The following ADTRP variants were observed in gnomAD, a reference collection of about 807,000 sequenced individuals.
ADTRP encodes androgen dependent TFPI regulating protein.
Under a neutral mutation model 27.0 loss-of-function variants are expected in ADTRP, and 20 were observed. That is an observed-to-expected ratio of 0.74 (90% confidence interval 0.52 to 1.08). The LOEUF (loss-of-function observed/expected upper bound fraction) is 1.08. ADTRP is among the 50% of genes least tolerant of loss of function. ADTRP has a pLI of 0.00. For synonymous variants in ADTRP, 101 were observed against 105.2 expected (o/e 0.96, Z 0.25); for missense variants, 251 against 275.0 (o/e 0.91, Z 0.62).
At chr6:11,726,371 G>A (rs1246475321) in intron 4 of ADTRP, among the ~76,000 whole-genome samples, 1 of 152,114 alleles carries the variant, frequency 6.6e-6, no homozygotes, top group East Asian at 1.9e-4. Context: ...TCATGGGGTT[G>A]GATCTCCTAA....
chr6:11,772,776 A>G (rs1244483749), intron 1 of ADTRP, among the ~76,000 whole-genome samples: 1 of 152,244 alleles, frequency 6.6e-6, no homozygotes, highest in Non-Finnish European at 1.5e-5. Context: ...TGCCAAGTAT[A>G]TCTGTATTCG....
chr6:11,728,105 C>A (rs1415107170), intron 4 of ADTRP, among the ~76,000 whole-genome samples: 2 of 152,114 alleles, frequency 1.3e-5, no homozygotes, highest in Admixed American at 1.3e-4. Context: ...CTATACTAAA[C>A]TTCCTTCTAA....
intron 5 of ADTRP, among the ~76,000 whole-genome samples, chr6:11,719,550 G>A (rs1761944651): frequency 6.6e-6 from 1 of 152,018 alleles, no homozygotes; most frequent in South Asian, 2.1e-4. Context: ...AGCCAAGGTG[G>A]AGAACTACTG....
At chr6:11,753,625 C>T (rs777896730) in intron 3 of ADTRP, among the ~76,000 whole-genome samples, 1 of 152,016 alleles carries the variant, frequency 6.6e-6, no homozygotes, top group Non-Finnish European at 1.5e-5. Flanking sequence ...TTAAAATGTT[C>T]CCATATATAA....
At chr6:11,737,623 C>A (rs1762590934) in intron 3 of ADTRP, among the ~76,000 whole-genome samples, 2 of 152,122 alleles carry the variant, frequency 1.3e-5, no homozygotes, top group Admixed American at 1.3e-4. Context: ...GTGAGAAGGA[C>A]CAAGCTGTAA....
chr6:11,768,383 G>A lies in ADTRP; in HGVS notation c.154C>T (p.Leu52Phe). The A allele has an allele frequency of 6.2e-7, 1 of 1,613,906 alleles. No individual in the cohort carries two copies. Among genetic ancestry groups the A allele is most frequent in the Non-Finnish European group, 8.5e-7 (1 of 1,179,946 alleles). Reference sequence around the variant, plus strand: ...ACCCCGTAGAAAATGGTCTGCAAGAGCTAAATCCATTACAACAAATGAGGG... The same window carrying A: ...ACCCCGTAGAAAATGGTCTGCAAGAACTAAATCCATTACAACAAATGAGGG... ...RWKYMTLLNL[L>F]LQTIFYGVTC... is the part of the protein sequence containing the mutation. The change falls in exon 2 of 6, where the codon CTC (leucine) becomes TTC (phenylalanine). Residue 52 changes from leucine (L) to phenylalanine (F), a missense_variant and splice_region_variant. By Grantham distance (22) the Leu-to-Phe change is conservative. Transcript: ENST00000414691.
chr6:11,733,358 C>T (rs979076377), intron 4 of ADTRP, among the ~76,000 whole-genome samples: 1 of 152,358 alleles, frequency 6.6e-6, no homozygotes, highest in South Asian at 2.1e-4. Flanking sequence ...AAAGTCCAAA[C>T]GCACTAATGT....
At chr6:11,767,452 T>C (rs1381725127) in intron 2 of ADTRP, among the ~76,000 whole-genome samples, 1 of 152,190 alleles carries the variant, frequency 6.6e-6, no homozygotes, top group Non-Finnish European at 1.5e-5. Flanking sequence ...GAGAACTCAC[T>C]AGGGCTTGGA....
intron 3 of ADTRP, among the ~76,000 whole-genome samples, chr6:11,748,232 T>G (rs975402038): frequency 2.0e-5 from 3 of 152,320 alleles, no homozygotes; most frequent in Non-Finnish European, 4.4e-5. Flanking sequence ...TTTATAACTT[T>G]CTGTATAAAA....
intron 1 of ADTRP, among the ~76,000 whole-genome samples, chr6:11,777,400 C>T (rs987862530): frequency 2.0e-5 from 3 of 152,022 alleles, no homozygotes; most frequent in Non-Finnish European, 4.4e-5. Flanking sequence ...AGACACACTT[C>T]CCTTTTAGTG....
chr6:11,721,572 G>T (rs1482596496), intron 5 of ADTRP, among the ~76,000 whole-genome samples: 1 of 152,056 alleles, frequency 6.6e-6, no homozygotes, highest in East Asian at 1.9e-4. Context: ...ATACATTTCT[G>T]ATCTTATTCT....
intron 1 of ADTRP, among the ~76,000 whole-genome samples, chr6:11,777,839 T>C (rs1764009647): frequency 6.6e-6 from 1 of 152,226 alleles, no homozygotes; most frequent in South Asian, 2.1e-4. Context: ...AAGATTTTAG[T>C]CAAAAACCTC....
intron 1 of ADTRP, 144 bp downstream of exon 1, chr6:11,778,462 AC>A: frequency 8.3e-7 from 1 of 1,206,810 alleles, no homozygotes; most frequent in African/African-American, 1.5e-5. Flanking sequence ...TGTTAAGTAA[AC>A]AAAAAACCCA....
chr6:11,733,857 A>G (rs1041834179), intron 4 of ADTRP, among the ~76,000 whole-genome samples: 2 of 152,174 alleles, frequency 1.3e-5, no homozygotes, highest in Non-Finnish European at 2.9e-5. Context: ...ACTCATTTTT[A>G]TAGCCACTAC....
intron 1 of ADTRP, among the ~76,000 whole-genome samples, chr6:11,774,484 C>T (rs938467517): frequency 6.6e-6 from 1 of 152,124 alleles, no homozygotes; most frequent in African/African-American, 2.4e-5. Context: ...GTTCCCCCAG[C>T]CCCAGGCCAG....
At chr6:11,717,100 C>A in intron 5 of ADTRP, 1 of 473,496 alleles carries the variant, frequency 2.1e-6, no homozygotes, top group Non-Finnish European at 3.4e-6. Flanking sequence ...TATATCTTAC[C>A]CAAACCAAAT....
At chr6:11,739,050 A>G (rs1282913136) in intron 3 of ADTRP, among the ~76,000 whole-genome samples, 1 of 152,186 alleles carries the variant, frequency 6.6e-6, no homozygotes, top group Non-Finnish European at 1.5e-5. Context: ...TCAAAAAAAA[A>G]AAGGAAGAAC....
intron 1 of ADTRP, among the ~76,000 whole-genome samples, chr6:11,769,015 T>C (rs945978145): frequency 7.3e-5 from 11 of 151,146 alleles, no homozygotes; most frequent in Non-Finnish European, 1.5e-4. Flanking sequence ...GAGCAAGCCA[T>C]GAGCGCTGGT....
chr6:11,747,261 A>T (rs75865947), intron 3 of ADTRP, among the ~76,000 whole-genome samples: 1 of 152,206 alleles, frequency 6.6e-6, no homozygotes, highest in African/African-American at 2.4e-5. Flanking sequence ...TTGTGTTCAG[A>T]GGGAGATGCT....
Sources: allele counts gnomAD v4.1 joint callset (sites outside exome capture counted in the v4.1 genomes callset), GRCh38; gene constraint gnomAD v4.1.1; transcripts MANE v1.5; gene names NCBI Gene and HGNC (gene_info 2026-07-23, HGNC 2026-07-21).